The following TXNDC11 variants were observed in gnomAD, a reference collection of about 807,000 sequenced individuals.
The protein encoded by TXNDC11 is thioredoxin domain containing 11.
In TXNDC11, 68 loss-of-function variants were observed where a neutral mutation model predicts 78.0. The ratio of observed to expected loss-of-function variants is 0.87; its 90% confidence interval spans 0.72 to 1.07. The LOEUF (loss-of-function observed/expected upper bound fraction) is 1.07. TXNDC11 is among the 50% of genes least tolerant of loss of function. TXNDC11 has a pLI of 0.00. For synonymous variants in TXNDC11, 571 were observed against 495.2 expected (o/e 1.15, Z -2.03); for missense variants, 1,389 against 1,221.8 (o/e 1.14, Z -2.04).
intron 4 of TXNDC11, among the ~76,000 whole-genome samples, chr16:11,730,112 T>G (rs932923211): frequency 2.0e-5 from 3 of 152,026 alleles, no homozygotes; most frequent in African/African-American, 7.2e-5. Flanking sequence ...TAAAAATAAT[T>G]TACCAGGGGT....
Position 11,684,183 on chromosome 16 carries a change from A to G in TXNDC11, c.2216T>C (p.Leu739Ser). Residue 739 changes from leucine to serine, a missense_variant, in exon 11 of 12, where the codon TTG becomes TCG. By Grantham distance (145) the Leu-to-Ser change is moderately radical (BLOSUM62 -2). Coordinates refer to ENST00000283033, the MANE Select transcript of TXNDC11 (RefSeq NM_015914.7). ...GCATTACCTGTTGCAGGGAAAAAAC[A>G]AGACAGTAGGAAGACGATCGACCAT... is the stretch of plus-strand genomic sequence containing the variant. Reference protein sequence around the residue: ...EFMVDRLPTVLFFPCNRKDLS... With the variant: ...EFMVDRLPTVSFFPCNRKDLS... 6.2e-7 allele frequency: 1 copy of G among 1,613,926 alleles called. No homozygotes were observed. Among genetic ancestry groups the G allele is most frequent in the Non-Finnish European group, 8.5e-7 (1 of 1,179,838 alleles).
At chr16:11,724,580 A>G (rs2051817620) in intron 4 of TXNDC11, among the ~76,000 whole-genome samples, 1 of 152,178 alleles carries the variant, frequency 6.6e-6, no homozygotes, top group South Asian at 2.1e-4. Flanking sequence ...CCTGGGCAAC[A>G]TGGCAAGACC....
intron 1 of TXNDC11, among the ~76,000 whole-genome samples, chr16:11,740,654 G>C (rs2052364396): frequency 6.6e-6 from 1 of 152,164 alleles, no homozygotes; most frequent in South Asian, 2.1e-4. Flanking sequence ...TGTCCTTGTG[G>C]GAGACAAGAA....
At chr16:11,711,034 C>T (rs978183955) in intron 5 of TXNDC11, among the ~76,000 whole-genome samples, 5 of 151,940 alleles carry the variant, frequency 3.3e-5, no homozygotes, top group South Asian at 2.1e-4. Context: ...GTGTGCCGGA[C>T]GTCATGCTAG....
rs185196128 is a variant in TXNDC11, at chr16:11,685,953, C to G, written c.2154-1708G>C. Among the ~76,000 whole-genome samples the G allele has an allele frequency of 5.0e-3, 758 of 152,124 alleles. 22 individuals are homozygous for G. The highest frequency in any genetic ancestry group is 0.044 in the Admixed American group (676 of 15,284). ...TTCTTATGCAGGCTGCAGGCTTGGT[C>G]TATATGCTTACTTTTTTTTTTCTGA... is the stretch of plus-strand genomic sequence containing the variant. On this transcript the variant is annotated intron_variant, in intron 10 of 11. Transcript: ENST00000283033.
chr16:11,735,137 G>C (rs988713354), intron 2 of TXNDC11, among the ~76,000 whole-genome samples: 5 of 152,198 alleles, frequency 3.3e-5, no homozygotes, highest in African/African-American at 9.6e-5. Flanking sequence ...TGTAAACTGA[G>C]AGCAGAAAGG....
rs2051274062 is a variant in TXNDC11 at position 11,709,416 on chromosome 16, T to A, written c.794-8852A>T. ...TACACCACCACCATGCGTAGCTAATTTTTTGTATTTTTTTTTTTTTTTTTT... is the reference window on the plus strand; with the variant it reads ...TACACCACCACCATGCGTAGCTAATATTTTGTATTTTTTTTTTTTTTTTTT... On this transcript the variant is annotated intron_variant, in intron 5 of 11. Transcript: ENST00000283033. Among the ~76,000 whole-genome samples, 4 of 139,000 alleles carry A rather than the reference T, an allele frequency of 2.9e-5. No individual in the cohort carries two copies. The South Asian group carries it at 9.2e-4, about 32-fold the overall frequency. 91.2% of individuals were successfully genotyped at this position (139,000 alleles called of 152,430 possible). A position where few individuals can be genotyped will look rare whatever the true frequency, so the allele number is the denominator to read the frequency against.
At chr16:11,720,044 C>T (rs1282305722) in intron 5 of TXNDC11, among the ~76,000 whole-genome samples, 4 of 152,012 alleles carry the variant, frequency 2.6e-5, no homozygotes, top group Non-Finnish European at 4.4e-5. Context: ...GGTGAAGGGG[C>T]GCAGACTGGA....
chr16:11,704,764 G>A (rs2051132513), intron 5 of TXNDC11, among the ~76,000 whole-genome samples: 1 of 152,116 alleles, frequency 6.6e-6, no homozygotes, highest in South Asian at 2.1e-4. Context: ...ATAGGTTGAA[G>A]GAAACTGAGA....
At chr16:11,685,423 A>C (rs541112543) in intron 10 of TXNDC11, among the ~76,000 whole-genome samples, 1 of 152,152 alleles carries the variant, frequency 6.6e-6, no homozygotes, top group African/African-American at 2.4e-5. Context: ...AGGCAGGCAG[A>C]TCACGAGGTC....
At chr16:11,715,395 T>A (rs1192246803) in intron 5 of TXNDC11, among the ~76,000 whole-genome samples, 1 of 151,238 alleles carries the variant, frequency 6.6e-6, no homozygotes, top group Non-Finnish European at 1.5e-5. Flanking sequence ...ATCTGATTGC[T>A]TGAGCCCATG....
intron 5 of TXNDC11, among the ~76,000 whole-genome samples, chr16:11,701,522 G>A (rs2051026103): frequency 6.6e-6 from 1 of 152,114 alleles, no homozygotes; most frequent in African/African-American, 2.4e-5. Flanking sequence ...GTGCCGGGGT[G>A]TATAGTTAAG....
chr16:11,694,892 C>A (rs188754800), intron 7 of TXNDC11, among the ~76,000 whole-genome samples: 1 of 152,354 alleles, frequency 6.6e-6, no homozygotes, highest in Admixed American at 6.5e-5. Context: ...TCATTTATTT[C>A]ATGTGAATAA....
At chr16:11,703,375 T>C (rs1428025297) in intron 5 of TXNDC11, among the ~76,000 whole-genome samples, 1 of 152,176 alleles carries the variant, frequency 6.6e-6, no homozygotes, top group Non-Finnish European at 1.5e-5. Flanking sequence ...TTGTGGTAAG[T>C]ACATTATACA....
chr16:11,688,600 G>A (rs1217464142), intron 8 of TXNDC11, 155 bp from the exon 9 acceptor site: 8 of 617,850 alleles, frequency 1.3e-5, no homozygotes, highest in Admixed American at 3.1e-5. Context: ...AAAGCTGCCC[G>A]GGTGGCATCA....
intron 4 of TXNDC11, among the ~76,000 whole-genome samples, chr16:11,726,236 T>C (rs952582448): frequency 2.6e-5 from 4 of 151,976 alleles, no homozygotes; most frequent in African/African-American, 9.7e-5. Context: ...CAATGTGATA[T>C]TGGTAGGTCT....
Position 11,691,547 on chromosome 16 carries a change from G to A in TXNDC11, c.1643C>T (p.Ser548Phe). The change falls in exon 8 of 12, where the codon TCC (serine) becomes TTC (phenylalanine). Residue 548 changes from serine to phenylalanine, a missense_variant. Physicochemically the swap from Ser to Phe is radical, Grantham distance 155. Coordinates refer to ENST00000283033, the MANE Select transcript of TXNDC11 (RefSeq NM_015914.7). ...EKKCEVDAPS[S>F]VPHIEENRYL... ...CCTGTTCTCCTCAATGTGAGGAACG[G>A]AGCTTGGGGCATCAACCTCACATTT... 6.2e-7 allele frequency: 1 copy of A among 1,614,212 alleles called. No individual in the cohort carries two copies. Among genetic ancestry groups the A allele is most frequent in the Non-Finnish European group, 8.5e-7 (1 of 1,180,024 alleles).
At position 11,710,268 on chromosome 16, in the gene TXNDC11, C is replaced by T. The variant is rs531791953; in HGVS notation, c.794-9704G>A. ...AAACTAAATATATCCACTGAGAAAC[C>T]TCCTCCACCCCATTTCAGGCTGTTC... On this transcript the variant is annotated intron_variant, in intron 5 of 11. Coordinates refer to ENST00000283033, the MANE Select transcript of TXNDC11 (RefSeq NM_015914.7). Among the ~76,000 whole-genome samples, 5 of 151,942 alleles carry T rather than the reference C, an allele frequency of 3.3e-5. No individual in the cohort carries two copies. In the East Asian group the frequency reaches 9.6e-4, roughly 29 times the overall value.
chr16:11,684,368 T>A (rs2050510438), intron 10 of TXNDC11, 123 bp from the exon 11 acceptor site: 2 of 654,346 alleles, frequency 3.1e-6, no homozygotes, highest in Admixed American at 5.3e-5. Context: ...GGCTAGTCCC[T>A]TCTCGATGAA....
Sources: gnomAD v4.1 joint callset for allele counts (sites outside exome capture counted in the v4.1 genomes callset) on GRCh38, gnomAD v4.1.1 for gene constraint, MANE v1.5 for transcripts, NCBI Gene and HGNC (gene_info 2026-07-23, HGNC 2026-07-21) for gene names.